Variants in SYNE1 observed in about 807,000 individuals in gnomAD.
The protein encoded by SYNE1 is spectrin repeat containing nuclear envelope protein 1, also known as nesprin-1.
In SYNE1, 616 loss-of-function variants were observed where a neutral mutation model predicts 1,111.0. The ratio of observed to expected loss-of-function variants is 0.55; its 90% CI spans 0.52 to 0.59. SYNE1 has a LOEUF of 0.59. Ranked by LOEUF, SYNE1 falls within the 20% of genes least tolerant of loss-of-function variation. The pLI is 0.00. For synonymous variants in SYNE1, 3,855 were observed against 3,825.8 expected (o/e 1.01, Z -0.28); for missense variants, 10,006 against 10,417.0 (o/e 0.96, Z 1.72).
chr6:152,528,697 A>T (rs77834113), intron 4 of SYNE1, among the ~76,000 whole-genome samples: 7,206 of 152,318 alleles, frequency 0.047, 235 homozygotes, highest in Non-Finnish European at 0.066. Context: ...GCTTGTGTCC[A>T]TGCCAGTATA....
chr6:152,617,289 T>A (rs2099658517), intron 3 of SYNE1, among the ~76,000 whole-genome samples: 1 of 152,250 alleles, frequency 6.6e-6, no homozygotes. Context: ...GACCATCCAG[T>A]AGAGTGCTAC....
chr6:152,194,747 A>G (rs892578482), intron 127 of SYNE1, among the ~76,000 whole-genome samples: 2 of 152,046 alleles, frequency 1.3e-5, no homozygotes, highest in Admixed American at 1.3e-4. Context: ...AAGCTCACGA[A>G]TTCTTTCCTC....
At chr6:152,554,057 T>C (rs2099356964) in intron 3 of SYNE1, among the ~76,000 whole-genome samples, 1 of 151,872 alleles carries the variant, frequency 6.6e-6, no homozygotes, top group East Asian at 1.9e-4. Flanking sequence ...GGACCAGTCC[T>C]GGGGAGAGGC....
chr6:152,223,531 T>C lies in SYNE1; in HGVS notation c.21522+963A>G, dbSNP rs559604927. 5.9e-5 allele frequency among the ~76,000 whole-genome samples: 9 copies of C among 152,086 alleles called. No homozygotes were observed. In the East Asian group the frequency reaches 7.7e-4, roughly 13 times the overall value. ...CTACTCAGGAGGCTGAGGCAGAGAA[T>C]TGCTTAAACCCGGGAGGCGGAGGTT... is the stretch of plus-strand genomic sequence containing the variant. On this transcript the variant is annotated intron_variant, in intron 117 of 145. Coordinates refer to ENST00000367255, the MANE Select transcript of SYNE1 (RefSeq NM_182961.4).
chr6:152,513,868 CAT>C (rs2099098309), intron 6 of SYNE1, among the ~76,000 whole-genome samples: 1 of 152,022 alleles, frequency 6.6e-6, no homozygotes, highest in South Asian at 2.1e-4. Context: ...GGCCAACAAA[CAT>C]GAAAAAAAGC....
At chr6:152,461,370 A>G (rs1475235533) in intron 21 of SYNE1, among the ~76,000 whole-genome samples, 1 of 152,122 alleles carries the variant, frequency 6.6e-6, no homozygotes, top group African/African-American at 2.4e-5. Flanking sequence ...ACTTTCTATT[A>G]AAATATAGCT....
chr6:152,597,530 T>C (rs1403382209), intron 3 of SYNE1, among the ~76,000 whole-genome samples: 1 of 152,172 alleles, frequency 6.6e-6, no homozygotes, highest in Admixed American at 6.5e-5. Context: ...CAAGTGATCC[T>C]CATGCCTTGG....
At chr6:152,212,598 C>T (rs1434099255) in intron 123 of SYNE1, among the ~76,000 whole-genome samples, 1 of 152,090 alleles carries the variant, frequency 6.6e-6, no homozygotes, top group East Asian at 1.9e-4. Flanking sequence ...TGTACTTACA[C>T]AAGTTTTTGT....
chr6:152,297,131 T>C (rs774334403), intron 93 of SYNE1, among the ~76,000 whole-genome samples: 1 of 152,170 alleles, frequency 6.6e-6, no homozygotes, highest in Non-Finnish European at 1.5e-5. Flanking sequence ...GTGGTTCCCA[T>C]ATCCCTCTCA....
In SYNE1 at chr6:152,224,478, T is replaced by G. The variant is rs573263989; in HGVS notation, c.21522+16A>C. ...ATTAAAATGAACGTTAAGGATGTGT[T>G]AAATTAATTCCTTACCTGAAGATTG... On this transcript the variant is annotated intron_variant, in intron 117 of 145. Transcript: ENST00000367255. 43 of 1,612,758 alleles carry G rather than the reference T, an allele frequency of 2.7e-5. No homozygotes were observed. In the South Asian group the frequency reaches 4.4e-4, roughly 16 times the overall value.
chr6:152,288,719 T>C (rs551740331), intron 95 of SYNE1, among the ~76,000 whole-genome samples: 6 of 152,292 alleles, frequency 3.9e-5, no homozygotes, highest in African/African-American at 1.4e-4. Flanking sequence ...CTAATTTTTG[T>C]ATTTTCAGTA....
In SYNE1 at chr6:152,387,095, T is replaced by G; in HGVS notation, c.8464A>C (p.Asn2822His). Reference sequence around the variant, plus strand: ...ACCTTGGCAACAGTCATTATATCATTAAACTGTGTTTTCAGCTCCTCTTGA... The same window carrying G: ...ACCTTGGCAACAGTCATTATATCATGAAACTGTGTTTTCAGCTCCTCTTGA... ...TAQEELKTQF[N>H]DIMTVAKEKM... is the part of the protein sequence containing the mutation. Residue 2822 changes from asparagine to histidine, a missense_variant, in exon 54 of 146, where the codon AAT (asparagine) becomes CAT (histidine). Asn to His is a moderately conservative substitution (Grantham distance 68). This residue lies in a region of SYNE1 where 4,955 missense variants were observed against 5,017.2 expected (regional missense o/e 0.99). Transcript: ENST00000367255. The G allele has an allele frequency of 6.2e-7, 1 of 1,614,092 alleles. No individual in the cohort carries two copies. The highest frequency in any genetic ancestry group is 8.5e-7 in the Non-Finnish European group (1 of 1,179,954).
chr6:152,359,990 C>G (rs540881323), intron 64 of SYNE1, among the ~76,000 whole-genome samples: 1 of 152,308 alleles, frequency 6.6e-6, no homozygotes, highest in African/African-American at 2.4e-5. Flanking sequence ...GCAAACTCCC[C>G]AGCCCAGGCT....
At chr6:152,580,086 C>T (rs1306963958) in intron 3 of SYNE1, among the ~76,000 whole-genome samples, 1 of 152,180 alleles carries the variant, frequency 6.6e-6, no homozygotes, top group African/African-American at 2.4e-5. Context: ...GGAGAAATCT[C>T]CAAACTGCTT....
chr6:152,456,819 C>T (rs763364520), intron 22 of SYNE1: 20 of 395,544 alleles, frequency 5.1e-5, no homozygotes, highest in South Asian at 3.7e-4. Flanking sequence ...TAGAAAAATA[C>T]TTCAAACTGC....
At chr6:152,196,793 C>T (rs9479259) in intron 127 of SYNE1, among the ~76,000 whole-genome samples, 3,151 of 151,982 alleles carry the variant, frequency 0.021, 54 homozygotes, top group African/African-American at 0.034. Flanking sequence ...GGTGTGTCAC[C>T]GGGTCATGTA....
At chr6:152,370,908 C>A (rs561575510) in intron 59 of SYNE1, among the ~76,000 whole-genome samples, 2 of 152,190 alleles carry the variant, frequency 1.3e-5, no homozygotes, top group South Asian at 4.1e-4. Flanking sequence ...CTGTAAGAAT[C>A]ATTTGAAAAG....
chr6:152,266,271 T>C lies in SYNE1; in HGVS notation c.18815+1785A>G, dbSNP rs150168855. Among the ~76,000 whole-genome samples the C allele has an allele frequency of 8.5e-5, 13 of 152,294 alleles. No individual in the cohort carries two copies. In the East Asian group the frequency reaches 1.7e-3, roughly 20 times the overall value. On this transcript the variant is annotated intron_variant, in intron 100 of 145. Transcript: ENST00000367255. ...TAAAGGCCAAGGAAAGAAAAAAATA[T>C]ATATGGTAATAAAGTTGCAGAAGAT... is the stretch of plus-strand genomic sequence containing the variant.
At chr6:152,257,927 A>G (rs2091221280) in intron 101 of SYNE1, among the ~76,000 whole-genome samples, 1 of 152,198 alleles carries the variant, frequency 6.6e-6, no homozygotes, top group Non-Finnish European at 1.5e-5. Context: ...ATTGTGTTAC[A>G]GGAAAAATAT....
Sources: allele counts gnomAD v4.1 joint callset (sites outside exome capture counted in the v4.1 genomes callset), GRCh38; gene constraint gnomAD v4.1.1; regional missense constraint gnomAD v4.1.1; transcripts MANE v1.5; gene names NCBI Gene and HGNC (gene_info 2026-07-23, HGNC 2026-07-21).